Variants in NIFK observed in about 807,000 individuals in gnomAD.
NIFK encodes nucleolar protein interacting with the FHA domain of MKI67.
NIFK carries 16 observed loss-of-function variants against 31.7 expected under a neutral mutation model. The ratio of observed to expected loss-of-function variants is 0.50; its 90% confidence interval spans 0.34 to 0.77. The LOEUF is 0.77. Ranked by LOEUF, NIFK falls within the 30% of genes least tolerant of loss-of-function variation. NIFK has a pLI of 0.01. For missense variants in NIFK, 341 were observed against 350.4 expected (o/e 0.97, Z 0.21); for synonymous variants, 126 against 123.0 (o/e 1.02, Z -0.16).
intron 4 of NIFK, among the ~76,000 whole-genome samples, chr2:121,729,385 A>G (rs1196012087): frequency 6.6e-6 from 1 of 151,230 alleles, no homozygotes; most frequent in Non-Finnish European, 1.5e-5. Flanking sequence ...AAAAAAAAAA[A>G]GAAAAGAATG....
At position 121,736,858 on chromosome 2, in the gene NIFK, G is replaced by C. The variant is rs779084790; in HGVS notation, c.-8C>G. ...GCCAGAAAAAGTCGCCATGCCAAAA[G>C]CCGCCGACGCTAACCACGCGGCGCT... On this transcript the variant is annotated 5_prime_UTR_variant, in exon 1 of 7. Coordinates refer to ENST00000285814, the MANE Select transcript of NIFK (RefSeq NM_032390.5). The C allele has an allele frequency of 2.4e-5, 39 of 1,611,474 alleles. No homozygotes were observed. The highest frequency in any genetic ancestry group is 1.6e-4 in the Middle Eastern group (1 of 6,068).
chr2:121,734,819 A>G (rs1230960085), intron 2 of NIFK, among the ~76,000 whole-genome samples: 1 of 152,232 alleles, frequency 6.6e-6, no homozygotes, highest in Non-Finnish European at 1.5e-5. Flanking sequence ...GAATTTGTGA[A>G]TTTAATTCCC....
chr2:121,736,820 T>G lies in NIFK; in HGVS notation c.31A>C (p.Ile11Leu). Residue 11 changes from isoleucine to leucine, a missense_variant, in exon 1 of 7, where the codon ATC becomes CTC. Coordinates refer to ENST00000285814, the MANE Select transcript of NIFK (RefSeq NM_032390.5). ...TCTTCCTGCGGATTAAGCGACAGGA[T>G]TGGCCCAGCCGGGCCAGAAAAAGTC... MATFSGPAGPILSLNPQEDVE... is the reference protein window; with the variant it reads MATFSGPAGPLLSLNPQEDVE... 1 of 1,614,196 alleles carries G rather than the reference T, an allele frequency of 6.2e-7. No homozygotes were observed.
Position 121,735,642 on chromosome 2 carries a change from TCA to T in NIFK, c.212_213del (p.Val71AspfsTer9). On this transcript the variant is annotated frameshift_variant, in exon 2 of 7. Transcript: ENST00000285814. LOFTEE classifies it high-confidence loss of function. ...IFSYFSQFGTVTRFRLSRSKR... is the reference protein window; with the variant it reads ...IFSYFSQFGTXTRFRLSRSKR... The stretch of plus-strand genomic sequence containing the variant: ...TTACTTCTGGACAGCCTGAACCGTG[TCA>T]CAGTGCCAAACTGGGAGAAATATGA... 1 of 1,612,296 alleles carries T rather than the reference TCA, an allele frequency of 6.2e-7. No individual in the cohort carries two copies. The highest frequency in any genetic ancestry group is 8.5e-7 in the Non-Finnish European group (1 of 1,179,870).
chr2:121,728,831 C>T (rs2074514826), intron 4 of NIFK, among the ~76,000 whole-genome samples: 1 of 152,100 alleles, frequency 6.6e-6, no homozygotes, highest in Admixed American at 6.6e-5. Context: ...CAAAGGCAGG[C>T]CACCCCCATC....
At chr2:121,732,387 ACG>A (rs2074547808) in intron 2 of NIFK, among the ~76,000 whole-genome samples, 183 bp from the exon 3 acceptor site, 1 of 152,238 alleles carries the variant, frequency 6.6e-6, no homozygotes, top group Admixed American at 6.5e-5. Flanking sequence ...GAAAAGATGC[ACG>A]AGTCTGAACA....
intron 5 of NIFK, 47 bp downstream of exon 5, chr2:121,728,430 T>C (rs1450226036): frequency 6.7e-7 from 1 of 1,483,560 alleles, no homozygotes; most frequent in East Asian, 2.3e-5. Context: ...TTTTCCTACT[T>C]ATCCTTCTCT....
intron 6 of NIFK, 88 bp from the exon 7 acceptor site, chr2:121,728,000 C>T: frequency 8.2e-7 from 1 of 1,220,248 alleles, no homozygotes; most frequent in East Asian, 2.5e-5. Flanking sequence ...TCTATTTTTA[C>T]AAGTTGTGCC....
intron 4 of NIFK, among the ~76,000 whole-genome samples, chr2:121,729,367 CAA>C (rs966976474): frequency 4.2e-4 from 26 of 62,130 alleles, no homozygotes; most frequent in African/African-American, 1.9e-4. Context: ...GACTCCATCT[CAA>C]AAAAAAAAAA....
At chr2:121,731,723 C>T (rs2074542286) in intron 3 of NIFK, among the ~76,000 whole-genome samples, 1 of 152,188 alleles carries the variant, frequency 6.6e-6, no homozygotes, top group Admixed American at 6.5e-5. Context: ...TGTCCCTCAG[C>T]CAGGAATGGT....
intron 4 of NIFK, 43 bp downstream of exon 4, chr2:121,730,850 C>A: frequency 1.4e-6 from 2 of 1,408,974 alleles, no homozygotes; most frequent in Non-Finnish European, 2.0e-6. Context: ...TGCCCCCTCC[C>A]CTCCCCACAA....
intron 1 of NIFK, 48 bp from the exon 2 acceptor site, chr2:121,735,798 A>G: frequency 1.3e-6 from 2 of 1,518,394 alleles, no homozygotes; most frequent in Non-Finnish European, 1.8e-6. Flanking sequence ...TAAGAAAATC[A>G]CATTGTAACA....
At chr2:121,730,768 C>T (rs2074532500) in intron 4 of NIFK, 125 bp downstream of exon 4, 1 of 685,306 alleles carries the variant, frequency 1.5e-6, no homozygotes, top group Admixed American at 2.4e-5. Context: ...TTGCTTGAAC[C>T]CAGGATGTGG....
At chr2:121,732,024 C>T (rs1383044460) in intron 3 of NIFK, 72 bp downstream of exon 3, 30 of 828,966 alleles carry the variant, frequency 3.6e-5, no homozygotes, top group Admixed American at 1.1e-4. Flanking sequence ...CTAGGCAAGC[C>T]GCCCTTCCCA....
At chr2:121,733,957 C>T (rs1440198933) in intron 2 of NIFK, among the ~76,000 whole-genome samples, 3 of 152,060 alleles carry the variant, frequency 2.0e-5, no homozygotes, top group Admixed American at 2.0e-4. Flanking sequence ...TTGTTCCTAG[C>T]AGCTTAATCT....
intron 3 of NIFK, 170 bp from the exon 4 acceptor site, chr2:121,731,274 G>C (rs2106442430): frequency 1.8e-6 from 1 of 562,626 alleles, no homozygotes; most frequent in East Asian, 3.0e-5. Context: ...GACCTGGGCA[G>C]CCTTGTCAGC....
At chr2:121,736,230 C>T (rs1346582192) in intron 1 of NIFK, among the ~76,000 whole-genome samples, 2 of 152,202 alleles carry the variant, frequency 1.3e-5, no homozygotes, top group Non-Finnish European at 2.9e-5. Flanking sequence ...ATGCTAAAAA[C>T]CACAGAAAGT....
At chr2:121,733,466 G>A (rs1356133858) in intron 2 of NIFK, among the ~76,000 whole-genome samples, 1 of 151,384 alleles carries the variant, frequency 6.6e-6, no homozygotes, top group African/African-American at 2.4e-5. Context: ...AGTGAGCCAA[G>A]ACTGTGCCAC....
intron 2 of NIFK, among the ~76,000 whole-genome samples, chr2:121,733,485 A>T (rs1383765456): frequency 6.6e-6 from 1 of 151,854 alleles, no homozygotes; most frequent in African/African-American, 2.4e-5. Flanking sequence ...ACTGCACTCC[A>T]GCCTGGGCAA....
Sources: gnomAD v4.1 joint callset for allele counts (sites outside exome capture counted in the v4.1 genomes callset) on GRCh38, gnomAD v4.1.1 for gene constraint, MANE v1.5 for transcripts, NCBI Gene and HGNC (gene_info 2026-07-23, HGNC 2026-07-21) for gene names.